MTUS2: variants seen among roughly 807,000 people sequenced by gnomAD.
MTUS2 encodes the protein microtubule associated scaffold protein 2, also known as microtubule-associated tumor suppressor candidate 2.
MTUS2 carries 40 observed loss-of-function variants against 114.1 expected under a neutral mutation model. The observed-to-expected ratio is 0.35, with a 90% CI of 0.27 to 0.46. The LOEUF (loss-of-function observed/expected upper bound fraction) is 0.46, where lower values mean the gene tolerates loss of function less well. MTUS2 is among the 20% of genes least tolerant of loss of function. MTUS2 has a pLI of 1.00. For missense variants in MTUS2, 1,679 were observed against 1,705.4 expected, an observed-to-expected ratio of 0.98 and a Z score of 0.27; for synonymous variants, 688 against 672.0, an observed-to-expected ratio of 1.02 and a Z score of -0.37.
chr13:29,409,404 C>G (rs2138537799), intron 8 of MTUS2, among the ~76,000 whole-genome samples: 1 of 152,204 alleles, frequency 6.6e-6, no homozygotes, highest in South Asian at 2.1e-4. Context: ...ATACTGTTTT[C>G]CAAAGTTACT....
intron 4 of MTUS2, among the ~76,000 whole-genome samples, chr13:29,093,626 A>T (rs1890056346): frequency 6.6e-6 from 1 of 152,084 alleles, no homozygotes; most frequent in South Asian, 2.1e-4. Flanking sequence ...AACTTGCTAA[A>T]CTCATTTATT....
intron 9 of MTUS2, among the ~76,000 whole-genome samples, chr13:29,461,901 C>T (rs138869842): frequency 6.6e-6 from 1 of 152,282 alleles, no homozygotes; most frequent in African/African-American, 2.4e-5. Flanking sequence ...GGCTATTGGT[C>T]TGCTGATGCT....
At chr13:29,442,392 T>C (rs1041940342) in intron 9 of MTUS2, among the ~76,000 whole-genome samples, 4 of 152,232 alleles carry the variant, frequency 2.6e-5, no homozygotes, top group Non-Finnish European at 4.4e-5. Context: ...AATATATTTT[T>C]GTTTTATTCT....
chr13:29,062,319 T>C (rs1161705347), intron 4 of MTUS2, among the ~76,000 whole-genome samples: 4 of 152,234 alleles, frequency 2.6e-5, no homozygotes, highest in African/African-American at 7.2e-5. Context: ...TAGTATGTGG[T>C]TGTATGTGTA....
intron 8 of MTUS2, among the ~76,000 whole-genome samples, chr13:29,371,811 A>T (rs969070435): frequency 6.6e-6 from 1 of 152,138 alleles, no homozygotes; most frequent in Non-Finnish European, 1.5e-5. Context: ...GAGGAAGAGA[A>T]GTTGTTCCTT....
rs1873224995 is a variant in MTUS2 at position 29,389,888 on chromosome 13, TGTATATATACATAC to T, written c.3117+30416_3117+30429del. 3.1e-5 allele frequency among the ~76,000 whole-genome samples: 3 copies of T among 95,658 alleles called. 1 individual carries two copies. The highest frequency in any genetic ancestry group is 2.4e-4 in the Admixed American group (2 of 8,434). The allele number at this position is 95,658 out of a possible 152,430, so 62.8% of individuals were successfully genotyped here. A position where few individuals can be genotyped will look rare whatever the true frequency, so the allele number is the denominator to read the frequency against. ...ATATGTGTATATATACATACATATG[TGTATATATACATAC>T]ATATGTGTATATATGTATGTATATG... is the stretch of plus-strand genomic sequence containing the variant. On this transcript the variant is annotated intron_variant, in intron 8 of 15. Transcript: ENST00000612955.
intron 5 of MTUS2, among the ~76,000 whole-genome samples, chr13:29,163,802 C>T (rs1205345887): frequency 6.6e-6 from 1 of 152,150 alleles, no homozygotes; most frequent in Non-Finnish European, 1.5e-5. Flanking sequence ...ATGCATGAGA[C>T]ACTTTTTGGA....
chr13:28,860,505 C>T (rs543795575), intron 2 of MTUS2, among the ~76,000 whole-genome samples: 9 of 152,268 alleles, frequency 5.9e-5, no homozygotes, highest in African/African-American at 1.4e-4. Context: ...GTGGAAAATG[C>T]GGCTAGGAAG....
chr13:29,291,642 T>C (rs1030869945), intron 6 of MTUS2, among the ~76,000 whole-genome samples: 8 of 152,126 alleles, frequency 5.3e-5, no homozygotes, highest in African/African-American at 1.7e-4. Flanking sequence ...GCTGACCTCA[T>C]GAGATGGTTG....
At chr13:28,905,237 G>A (rs1187143213) in intron 2 of MTUS2, among the ~76,000 whole-genome samples, 3 of 151,326 alleles carry the variant, frequency 2.0e-5, no homozygotes, top group African/African-American at 4.9e-5. Flanking sequence ...CTAATTGAAT[G>A]CCCTTTATTT....
At chr13:28,890,012 C>G (rs1878822840) in intron 2 of MTUS2, among the ~76,000 whole-genome samples, 1 of 152,120 alleles carries the variant, frequency 6.6e-6, no homozygotes, top group Non-Finnish European at 1.5e-5. Context: ...GAGGGCATAG[C>G]AAGAAAGTTT....
At chr13:29,474,452 T>C (rs543684456) in intron 9 of MTUS2, among the ~76,000 whole-genome samples, 1 of 152,322 alleles carries the variant, frequency 6.6e-6, no homozygotes, top group South Asian at 2.1e-4. Flanking sequence ...TAAACAGGGA[T>C]TTAATGAAAT....
At chr13:29,298,200 C>T (rs931164889) in intron 6 of MTUS2, among the ~76,000 whole-genome samples, 5 of 151,976 alleles carry the variant, frequency 3.3e-5, no homozygotes, top group Non-Finnish European at 5.9e-5. Context: ...TGATATGATG[C>T]GTTGTAGAAA....
At chr13:29,365,494 G>GCAT (rs1870629531) in intron 8 of MTUS2, among the ~76,000 whole-genome samples, 7 of 151,066 alleles carry the variant, frequency 4.6e-5, no homozygotes, top group South Asian at 2.1e-4. Context: ...TCATCAATAC[G>GCAT]TTTTTTTGTT....
chr13:29,405,612 C>T (rs1874689714), intron 8 of MTUS2, among the ~76,000 whole-genome samples: 1 of 152,142 alleles, frequency 6.6e-6, no homozygotes, highest in Non-Finnish European at 1.5e-5. Flanking sequence ...GCACGTTTGC[C>T]ATGGCAGTGG....
chr13:29,265,752 A>G (rs909222182), intron 5 of MTUS2, among the ~76,000 whole-genome samples: 2 of 152,170 alleles, frequency 1.3e-5, no homozygotes, highest in African/African-American at 4.8e-5. Flanking sequence ...ACAAACTTTT[A>G]CAAAACCAGG....
intron 2 of MTUS2, among the ~76,000 whole-genome samples, chr13:28,894,188 C>G (rs1447508710): frequency 6.7e-6 from 1 of 149,650 alleles, no homozygotes. Flanking sequence ...GGAGATGAGG[C>G]CTTTGGGAAG....
chr13:29,462,279 G>A (rs753262345), intron 9 of MTUS2, among the ~76,000 whole-genome samples: 16 of 152,200 alleles, frequency 1.1e-4, no homozygotes, highest in Non-Finnish European at 2.2e-4. Context: ...GGAGAGGACC[G>A]AGAAATGAAG....
rs1305327933 is a variant in MTUS2 at position 29,216,489 on chromosome 13, C to T, written c.2645-65215C>T. ...GCTGCTCTATTTTGTGCTTGAAACC[C>T]AGGGCCCTGGTGGTGCAGGCACATG... On this transcript the variant is annotated intron_variant, in intron 5 of 15. Coordinates refer to ENST00000612955, the MANE Select transcript of MTUS2 (RefSeq NM_001033602.4). Among the ~76,000 whole-genome samples, 2 of 152,184 alleles carry T rather than the reference C, an allele frequency of 1.3e-5. 1 individual carries two copies. The highest frequency in any genetic ancestry group is 2.9e-5 in the Non-Finnish European group (2 of 68,030).
Sources: gnomAD v4.1 joint callset for allele counts (sites outside exome capture counted in the v4.1 genomes callset) on GRCh38, gnomAD v4.1.1 for gene constraint, MANE v1.5 for transcripts, NCBI Gene and HGNC (gene_info 2026-07-23, HGNC 2026-07-21) for gene names.